The following SPMIP1 variants were observed in gnomAD, a reference collection of about 807,000 sequenced individuals.
The protein encoded by SPMIP1 is protein SPMIP1.
the SPMIP1 span, chr7:128,866,489 G>T: frequency 1.3e-6 from 2 of 1,536,028 alleles, no homozygotes; most frequent in South Asian, 2.4e-5. Context: ...ATGTTGCGCT[G>T]TGAATGGTAC....
At chr7:128,866,564 A>G in the SPMIP1 span, 1 of 1,535,668 alleles carries the variant, frequency 6.5e-7, no homozygotes, top group African/African-American at 1.4e-5. Context: ...CTGCCCCTCA[A>G]ACTGCCCACC....
the SPMIP1 span, chr7:128,866,736 G>A: frequency 2.0e-6 from 3 of 1,536,062 alleles, no homozygotes; most frequent in South Asian, 3.6e-5. Context: ...ACTTCCAGGG[G>A]CGGTACCGCT....
chr7:128,866,605 C>G, the SPMIP1 span: 9 of 1,531,894 alleles, frequency 5.9e-6, no homozygotes, highest in South Asian at 9.5e-5. Flanking sequence ...CTCACCCCCA[C>G]CCGCCCCCAA....
chr7:128,867,958 G>A, the SPMIP1 span, among the ~76,000 whole-genome samples: 8 of 152,174 alleles, frequency 5.3e-5, no homozygotes, highest in East Asian at 5.8e-4. Context: ...GAGCCAGAGC[G>A]GGTAGGGGAT....
the SPMIP1 span, chr7:128,866,352 C>G: frequency 1.5e-6 from 2 of 1,366,690 alleles, no homozygotes; most frequent in Non-Finnish European, 2.0e-6. Flanking sequence ...AAGCACTCTG[C>G]TTGCTGTGCT....
the SPMIP1 span, among the ~76,000 whole-genome samples, chr7:128,868,352 GAGC>G: frequency 2.1e-4 from 32 of 152,242 alleles, no homozygotes; most frequent in Admixed American, 1.4e-3. Flanking sequence ...TAGAAGCGGG[GAGC>G]AGGAGGCCGA....
the SPMIP1 span, chr7:128,866,351 G>A: frequency 7.3e-7 from 1 of 1,362,316 alleles, no homozygotes; most frequent in Non-Finnish European, 9.9e-7. Context: ...GAAGCACTCT[G>A]CTTGCTGTGC....
chr7:128,870,728 A>C, the SPMIP1 span: 1 of 152,216 alleles, frequency 6.6e-6, no homozygotes, highest in African/African-American at 2.4e-5. Flanking sequence ...CCTCTGGGCC[A>C]GGTCCTGGAA....
chr7:128,868,843 CTG>C, the SPMIP1 span: 8 of 997,856 alleles, frequency 8.0e-6, no homozygotes, highest in African/African-American at 1.1e-4. Flanking sequence ...GGCAAAGCTG[CTG>C]TGTGTGTCTG....
At chr7:128,866,594 T>TCACCCCCCCCCCCCCCCCA in the SPMIP1 span, 1 of 931,518 alleles carries the variant, frequency 1.1e-6, no homozygotes, top group Non-Finnish European at 1.4e-6. Flanking sequence ...AAAGCCCCAC[T>TCACCCCCCCCCCCCCCCCA]CTCACCCCCA....
chr7:128,868,817 A>G, the SPMIP1 span: 1 of 1,375,742 alleles, frequency 7.3e-7, no homozygotes. Context: ...AGAAGAAATA[A>G]CAGGCCTCCT....
chr7:128,867,906 C>T, the SPMIP1 span, among the ~76,000 whole-genome samples: 1 of 152,106 alleles, frequency 6.6e-6, no homozygotes, highest in Non-Finnish European at 1.5e-5. Context: ...TCCTAGGGAG[C>T]TCAAGTTGCT....
chr7:128,866,899 TG>T, the SPMIP1 span: 1 of 1,411,270 alleles, frequency 7.1e-7, no homozygotes, highest in East Asian at 2.5e-5. Flanking sequence ...GTGGGCATCC[TG>T]GTGAAGGGTC....
chr7:128,869,441 G>C, the SPMIP1 span: 1 of 152,490 alleles, frequency 6.6e-6, no homozygotes, highest in Non-Finnish European at 1.5e-5. Context: ...GCCTTCTAGG[G>C]GTCTTGCCTG....
At chr7:128,868,541 A>C in the SPMIP1 span, 1 of 560,470 alleles carries the variant, frequency 1.8e-6, no homozygotes, top group Admixed American at 3.1e-5. Context: ...AGCACTTTCT[A>C]TTTCTTCCCA....
the SPMIP1 span, chr7:128,866,699 C>T: frequency 9.8e-6 from 15 of 1,535,778 alleles, no homozygotes; most frequent in South Asian, 1.7e-4. Context: ...ATCACCCGAG[C>T]CCTGCTGTAT....
At chr7:128,871,549 A>AGAT in the SPMIP1 span, 3 of 152,236 alleles carry the variant, frequency 2.0e-5, no homozygotes, top group Admixed American at 2.0e-4. Context: ...CTAAAAAAAG[A>AGAT]GATGATGTGT....
At chr7:128,869,088 G>C in the SPMIP1 span, 1 of 398,786 alleles carries the variant, frequency 2.5e-6, no homozygotes, top group Non-Finnish European at 4.4e-6. Flanking sequence ...CCTGGGGAGA[G>C]AGCGGCTTGT....
At chr7:128,866,780 CG>C in the SPMIP1 span, 13 of 1,535,896 alleles carry the variant, frequency 8.5e-6, no homozygotes, top group Non-Finnish European at 1.1e-5. Context: ...ATGCCAGAGA[CG>C]CGATACCTCT....
Sources: allele counts gnomAD v4.1 joint callset (sites outside exome capture counted in the v4.1 genomes callset), GRCh38; gene constraint gnomAD v4.1.1; transcripts MANE v1.5; gene names NCBI Gene and HGNC (gene_info 2026-07-23, HGNC 2026-07-21).